UGT2B17: variants seen among roughly 807,000 people sequenced by gnomAD.
UGT2B17 encodes UDP-glucuronosyltransferase 2B17.
UGT2B17 carries 21 observed loss-of-function variants against 48.2 expected under a neutral mutation model. That is an observed-to-expected ratio of 0.44 (90% CI 0.31 to 0.63). UGT2B17 has a LOEUF of 0.63. Among genes scored for constraint, UGT2B17 ranks in the 20% least tolerant of loss-of-function variants. UGT2B17 has a pLI of 0.08. For synonymous variants in UGT2B17, 146 were observed against 238.4 expected, an observed-to-expected ratio of 0.61 and a Z score of 3.57; for missense variants, 402 against 696.1, an observed-to-expected ratio of 0.58 and a Z score of 4.75.
rs1489414425 is a variant in UGT2B17, at chr4:68,574,738, A to G, written c.-65+1213T>C. Among the ~76,000 whole-genome samples, 8 of 126,252 alleles carry G rather than the reference A, an allele frequency of 6.3e-5. 1 individual carries two copies. The highest frequency in any genetic ancestry group is 2.2e-4 in the African/African-American group (8 of 36,872). The allele number at this position is 126,252 out of a possible 152,430, so 82.8% of individuals were successfully genotyped here. A position where few individuals can be genotyped will look rare whatever the true frequency, so the allele number is the denominator to read the frequency against. ...ATAAACTGTTTCTTCAATAGCACTC[A>G]GGAGGCCTTATTACTTTTAAATTAT... On this transcript the variant is annotated intron_variant, in intron 1 of 6. Transcript: ENST00000317746.
At chr4:68,570,130 G>A (rs1370097066) in intron 1 of UGT2B17, among the ~76,000 whole-genome samples, 2 of 126,722 alleles carry the variant, frequency 1.6e-5, no homozygotes, top group Admixed American at 1.6e-4. Flanking sequence ...AGAAGGAAGG[G>A]CTTTATTCAG....
chr4:68,537,967 C>T lies in UGT2B17; in HGVS notation c.1314-63G>A, dbSNP rs576846175. On this transcript the variant is annotated intron_variant, in intron 6 of 6. Transcript: ENST00000317746. Reference sequence around the variant, plus strand: ...AATTTATTGCTTAAGCATATCAAGTCTATGGATGGTCTTTGAAAAGCGCCA... The same window carrying T: ...AATTTATTGCTTAAGCATATCAAGTTTATGGATGGTCTTTGAAAAGCGCCA... 30 of 1,141,106 alleles carry T rather than the reference C, an allele frequency of 2.6e-5. 11 individuals are homozygous for T. The East Asian group carries it at 6.5e-4, about 25-fold the overall frequency. The allele number at this position is 1,141,106 out of a possible 1,614,324, so 70.7% of individuals were successfully genotyped here.
chr4:68,547,511 A>G (rs1730837288), intron 6 of UGT2B17, among the ~76,000 whole-genome samples: 1 of 124,542 alleles, frequency 8.0e-6, no homozygotes, highest in Non-Finnish European at 1.7e-5. Flanking sequence ...GGACATAGGC[A>G]TGGGCAAGGA....
rs1252509708 is a variant in UGT2B17 at position 68,550,232 on chromosome 4, A to G, written c.1313+445T>C. ...CATACTAAATATATTTAGATTTTAA[A>G]TTTTAGTGAATGTTATGCTATGCAA... On this transcript the variant is annotated intron_variant, in intron 6 of 6. Transcript: ENST00000317746. 1.8e-4 allele frequency among the ~76,000 whole-genome samples: 22 copies of G among 124,744 alleles called. 5 individuals are homozygous for G. Among genetic ancestry groups the G allele is most frequent in the Non-Finnish European group, 6.8e-5 (4 of 59,182 alleles). 81.8% of individuals were successfully genotyped at this position (124,744 alleles called of 152,430 possible).
In UGT2B17 at chr4:68,553,723, T is replaced by C. The variant is rs1357589357; in HGVS notation, c.1006-1812A>G. Among the ~76,000 whole-genome samples, 2 of 124,396 alleles carry C rather than the reference T, an allele frequency of 1.6e-5. 1 individual carries two copies. Among genetic ancestry groups the C allele is most frequent in the Non-Finnish European group, 3.4e-5 (2 of 58,852 alleles). The allele number at this position is 124,396 out of a possible 152,430, so 81.6% of individuals were successfully genotyped here. A position where few individuals can be genotyped will look rare whatever the true frequency, so the allele number is the denominator to read the frequency against. ...TTGTTATTTTTTTCCTCCTAGGAAG[T>C]TGTTGTTTAAGAATCCTAATTCTAG... On this transcript the variant is annotated intron_variant, in intron 4 of 6. Coordinates refer to ENST00000317746, the MANE Select transcript of UGT2B17 (RefSeq NM_001077.4).
rs1057347150 is a variant in UGT2B17 at position 68,570,016 on chromosome 4, A to C, written c.-64-1468T>G. Among the ~76,000 whole-genome samples the C allele has an allele frequency of 1.5e-4, 19 of 126,422 alleles. 6 individuals are homozygous for C. The highest frequency in any genetic ancestry group is 2.7e-4 in the Non-Finnish European group (16 of 59,582). The allele number at this position is 126,422 out of a possible 152,430, so 82.9% of individuals were successfully genotyped here. ...GACCTACCCCTCCACCCCAGAGAGCAAGCCACAGCAACCAGACAAAGGAAA... is the reference window on the plus strand; with the variant it reads ...GACCTACCCCTCCACCCCAGAGAGCCAGCCACAGCAACCAGACAAAGGAAA... On this transcript the variant is annotated intron_variant, in intron 1 of 6. Transcript: ENST00000317746.
chr4:68,542,966 A>C (rs1730704633), intron 6 of UGT2B17, among the ~76,000 whole-genome samples: 1 of 126,622 alleles, frequency 7.9e-6, no homozygotes, highest in Non-Finnish European at 1.7e-5. Context: ...GGTGGAGCCC[A>C]CCGCAGCTCA....
rs1018984706 is a variant in UGT2B17, at chr4:68,544,908, G to A, written c.1313+5769C>T. ...AGAGCTAACTATCCTAAATATACATGCACCCAGATTCATAAAGCAAGTCCT... is the reference window on the plus strand; with the variant it reads ...AGAGCTAACTATCCTAAATATACATACACCCAGATTCATAAAGCAAGTCCT... On this transcript the variant is annotated intron_variant, in intron 6 of 6. Coordinates refer to ENST00000317746, the MANE Select transcript of UGT2B17 (RefSeq NM_001077.4). 4.0e-5 allele frequency among the ~76,000 whole-genome samples: 5 copies of A among 126,084 alleles called. 1 individual carries two copies. The highest frequency in any genetic ancestry group is 1.1e-4 in the African/African-American group (4 of 36,908). The allele number at this position is 126,084 out of a possible 152,430, so 82.7% of individuals were successfully genotyped here.
chr4:68,550,907 A>G lies in UGT2B17; in HGVS notation c.1094-11T>C, dbSNP rs201344972. On this transcript the variant is annotated splice_polypyrimidine_tract_variant and intron_variant, in intron 5 of 6. Transcript: ENST00000317746. Reference sequence around the variant, plus strand: ...TGGTTTTGGGATGACCTAAAAGTGGATGCATTTTAACAAAGTTATTAATTA... The same window carrying G: ...TGGTTTTGGGATGACCTAAAAGTGGGTGCATTTTAACAAAGTTATTAATTA... The G allele has an allele frequency of 7.4e-7, 1 of 1,348,352 alleles. No individual in the cohort carries two copies. The highest frequency in any genetic ancestry group is 2.1e-5 in the Admixed American group (1 of 48,150). 83.5% of individuals were successfully genotyped at this position (1,348,352 alleles called of 1,614,324 possible). A position where few individuals can be genotyped will look rare whatever the true frequency, so the allele number is the denominator to read the frequency against.
Position 68,569,896 on chromosome 4 carries a change from G to A in UGT2B17, c.-64-1348C>T, listed in dbSNP as rs1192066857. On this transcript the variant is annotated intron_variant, in intron 1 of 6. Transcript: ENST00000317746. Reference sequence around the variant, plus strand: ...AGCACGCTGCTCCGCACTGCCTCGTGTTGTCTGTTGGCATGCTCTCAGGGA... The same window carrying A: ...AGCACGCTGCTCCGCACTGCCTCGTATTGTCTGTTGGCATGCTCTCAGGGA... Among the ~76,000 whole-genome samples, 2 of 126,652 alleles carry A rather than the reference G, an allele frequency of 1.6e-5. 1 individual carries two copies. The highest frequency in any genetic ancestry group is 3.4e-5 in the Non-Finnish European group (2 of 59,638). The allele number at this position is 126,652 out of a possible 152,430, so 83.1% of individuals were successfully genotyped here.
rs557228318 is a variant in UGT2B17 at position 68,558,323 on chromosome 4, C to T, written c.1005+2214G>A. Among the ~76,000 whole-genome samples, 57 of 125,130 alleles carry T rather than the reference C, an allele frequency of 4.6e-4. 11 individuals carry two copies. The highest frequency in any genetic ancestry group is 1.3e-3 in the African/African-American group (47 of 37,004). The allele number at this position is 125,130 out of a possible 152,430, so 82.1% of individuals were successfully genotyped here. A position where few individuals can be genotyped will look rare whatever the true frequency, so the allele number is the denominator to read the frequency against. On this transcript the variant is annotated intron_variant, in intron 4 of 6. Transcript: ENST00000317746. ...TGAATTCTAATTTTTCATGGCTACA[C>T]GTCTTCAAAATAGTGTCTTCAGGTT...
At chr4:68,563,954 A>G (rs1388533643) in intron 3 of UGT2B17, among the ~76,000 whole-genome samples, 2 of 125,814 alleles carry the variant, frequency 1.6e-5, no homozygotes, top group South Asian at 3.7e-4. Context: ...AATAATGACT[A>G]AAATAATAAT....
In UGT2B17 at chr4:68,559,329, A is replaced by T. The variant is rs1242351649; in HGVS notation, c.1005+1208T>A. On this transcript the variant is annotated intron_variant, in intron 4 of 6. Coordinates refer to ENST00000317746, the MANE Select transcript of UGT2B17 (RefSeq NM_001077.4). Reference sequence around the variant, plus strand: ...TTTGTAAATGCTAACAATGTAGGAAAAAGGAGCCCATTGACAATTCATGAT... The same window carrying T: ...TTTGTAAATGCTAACAATGTAGGAATAAGGAGCCCATTGACAATTCATGAT... Among the ~76,000 whole-genome samples the T allele has an allele frequency of 1.6e-5, 2 of 126,094 alleles. 1 individual carries two copies. Among genetic ancestry groups the T allele is most frequent in the Non-Finnish European group, 3.4e-5 (2 of 59,484 alleles). 82.7% of individuals were successfully genotyped at this position (126,094 alleles called of 152,430 possible). A position where few individuals can be genotyped will look rare whatever the true frequency, so the allele number is the denominator to read the frequency against.
intron 6 of UGT2B17, among the ~76,000 whole-genome samples, chr4:68,545,409 G>C (rs1309304591): frequency 8.0e-6 from 1 of 124,240 alleles, no homozygotes; most frequent in African/African-American, 2.8e-5. Context: ...AGAATCTCTG[G>C]GACGCATTCA....
At chr4:68,562,043 A>G (rs1446093278) in intron 3 of UGT2B17, among the ~76,000 whole-genome samples, 1 of 125,746 alleles carries the variant, frequency 8.0e-6, no homozygotes, top group African/African-American at 2.7e-5. Context: ...AAATATGTCA[A>G]TTCAGACCAT....
At chr4:68,544,554 A>G (rs1259010482) in intron 6 of UGT2B17, among the ~76,000 whole-genome samples, 2 of 125,810 alleles carry the variant, frequency 1.6e-5, no homozygotes, top group African/African-American at 5.4e-5. Context: ...CAAAACAATC[A>G]GCTAACATCA....
Position 68,550,829 on chromosome 4 carries a change from A to G in UGT2B17, c.1161T>C (p.His387=), listed in dbSNP as rs147227030. The G allele has an allele frequency of 8.7e-6, 12 of 1,383,514 alleles. 3 individuals are homozygous for G. The African/African-American group carries it at 1.8e-4, about 20-fold the overall frequency. The allele number at this position is 1,383,514 out of a possible 1,614,324, so 85.7% of individuals were successfully genotyped here. A position where few individuals can be genotyped will look rare whatever the true frequency, so the allele number is the denominator to read the frequency against. Residue 387 remains histidine, a synonymous_variant, in exon 6 of 7, where the codon CAT becomes CAC. Transcript: ENST00000317746. ...AGGGAATGCCCACCATAGGGATCCC[A>G]TGGTAGATTGCCTCATAGATGCCAT... The part of the protein sequence containing the change: ...GTNGIYEAIY[H]GIPMVGIPLF...
Position 68,548,414 on chromosome 4 carries a change from G to A in UGT2B17, c.1313+2263C>T, listed in dbSNP as rs1334314162. Among the ~76,000 whole-genome samples, 3 of 124,302 alleles carry A rather than the reference G, an allele frequency of 2.4e-5. 1 individual carries two copies. Among genetic ancestry groups the A allele is most frequent in the Non-Finnish European group, 3.4e-5 (2 of 59,144 alleles). The allele number at this position is 124,302 out of a possible 152,430, so 81.5% of individuals were successfully genotyped here. The stretch of plus-strand genomic sequence containing the variant: ...CACAGGAAGGGGAATATCACACACC[G>A]GGGCCTGCTTGGGGGTAGCGGGAGT... On this transcript the variant is annotated intron_variant, in intron 6 of 6. Coordinates refer to ENST00000317746, the MANE Select transcript of UGT2B17 (RefSeq NM_001077.4).
At chr4:68,561,090 A>T (rs1171963739) in intron 3 of UGT2B17, among the ~76,000 whole-genome samples, 1 of 121,678 alleles carries the variant, frequency 8.2e-6, no homozygotes, top group African/African-American at 2.8e-5. Flanking sequence ...GGGTCATTTT[A>T]TTTTATTTTT....
Sources: gnomAD v4.1 joint callset for allele counts (sites outside exome capture counted in the v4.1 genomes callset) on GRCh38, gnomAD v4.1.1 for gene constraint, MANE v1.5 for transcripts, NCBI Gene and HGNC (gene_info 2026-07-23, HGNC 2026-07-21) for gene names.